CALN1: variants seen among roughly 807,000 people sequenced by gnomAD.
CALN1 encodes the protein calneuron 1.
In CALN1, 17 loss-of-function variants were observed where a neutral mutation model predicts 30.6. That is an observed-to-expected ratio of 0.56 (90% confidence interval 0.38 to 0.83). The LOEUF (loss-of-function observed/expected upper bound fraction) is 0.83, where lower values mean the gene tolerates loss of function less well. CALN1 is among the 40% of genes least tolerant of loss of function. The probability of loss-of-function intolerance (pLI) is 0.00; values close to 1 mark genes in which losing one functional copy is unlikely to be tolerated. For synonymous variants in CALN1, 156 were observed against 131.4 expected (o/e 1.19, Z -1.28); for missense variants, 291 against 354.9 (o/e 0.82, Z 1.45).
At chr7:72,189,579 T>C (rs1272934598) in intron 3 of CALN1, among the ~76,000 whole-genome samples, 3 of 151,934 alleles carry the variant, frequency 2.0e-5, no homozygotes, top group African/African-American at 7.3e-5. Context: ...TCAAGACCAG[T>C]CTGGCCATTG....
At chr7:71,887,717 A>G (rs1278649884) in intron 5 of CALN1, among the ~76,000 whole-genome samples, 1 of 152,178 alleles carries the variant, frequency 6.6e-6, no homozygotes, top group East Asian at 1.9e-4. Context: ...GAATTGAGGC[A>G]GCCACAGTGC....
intron 5 of CALN1, among the ~76,000 whole-genome samples, chr7:71,848,349 A>C (rs1247215390): frequency 2.0e-5 from 3 of 152,190 alleles, no homozygotes; most frequent in Non-Finnish European, 4.4e-5. Flanking sequence ...CCTTCTGTTC[A>C]AGAGCCAAGT....
At chr7:72,189,726 C>G (rs1463665822) in intron 3 of CALN1, among the ~76,000 whole-genome samples, 1 of 149,786 alleles carries the variant, frequency 6.7e-6, no homozygotes, top group Non-Finnish European at 1.5e-5. Context: ...CAAGATCCTG[C>G]CACTGCACTC....
chr7:72,001,728 GC>G (rs147125176), intron 5 of CALN1, among the ~76,000 whole-genome samples: 1,998 of 152,240 alleles, frequency 0.013, 46 homozygotes, highest in African/African-American at 0.043. Flanking sequence ...TCTGCCTTAT[GC>G]CCCTTGGTTG....
chr7:72,067,807 T>C (rs551991369), intron 4 of CALN1, among the ~76,000 whole-genome samples: 9 of 152,170 alleles, frequency 5.9e-5, no homozygotes, highest in Admixed American at 5.2e-4. Flanking sequence ...AGGGCTGACC[T>C]CAGACCACCT....
intron 3 of CALN1, among the ~76,000 whole-genome samples, chr7:72,166,282 G>C (rs561918814): frequency 7.2e-5 from 11 of 152,266 alleles, no homozygotes; most frequent in African/African-American, 2.6e-4. Flanking sequence ...GCTCACTGCA[G>C]CCTCTAACTC....
chr7:71,797,189 C>A (rs775263986), intron 6 of CALN1, among the ~76,000 whole-genome samples: 18 of 152,138 alleles, frequency 1.2e-4, no homozygotes, highest in Non-Finnish European at 2.4e-4. Flanking sequence ...CAAATCAGAG[C>A]CACGAAAATT....
intron 3 of CALN1, among the ~76,000 whole-genome samples, chr7:72,224,156 A>G (rs942311196): frequency 6.6e-6 from 1 of 152,198 alleles, no homozygotes; most frequent in African/African-American, 2.4e-5. Context: ...ACAAACTGGC[A>G]TATGTACCCC....
chr7:71,842,681 T>C (rs892873560), intron 5 of CALN1, among the ~76,000 whole-genome samples: 2 of 152,212 alleles, frequency 1.3e-5, no homozygotes, highest in African/African-American at 4.8e-5. Flanking sequence ...TTTGATAACA[T>C]GCTAATACAC....
chr7:72,467,503 C>T, the CALN1 span, among the ~76,000 whole-genome samples: 64 of 152,296 alleles, frequency 4.2e-4, no homozygotes, highest in African/African-American at 1.4e-3. Context: ...ACCTCCAAGA[C>T]AGCTGGCTGG....
At chr7:72,424,569 T>C (rs958050254) in intron 1 of CALN1, among the ~76,000 whole-genome samples, 1 of 152,142 alleles carries the variant, frequency 6.6e-6, no homozygotes, top group African/African-American at 2.4e-5. Flanking sequence ...TTTATTTCCA[T>C]CCTTTTAATT....
chr7:72,093,559 A>G (rs2129539998), intron 4 of CALN1, among the ~76,000 whole-genome samples: 1 of 152,304 alleles, frequency 6.6e-6, no homozygotes, highest in Non-Finnish European at 1.5e-5. Flanking sequence ...TTGGGATACA[A>G]TAATTATTTA....
intron 5 of CALN1, among the ~76,000 whole-genome samples, chr7:71,829,299 C>T (rs1789121310): frequency 6.6e-6 from 1 of 152,102 alleles, no homozygotes; most frequent in African/African-American, 2.4e-5. Flanking sequence ...GAAGATGGGG[C>T]AAGCGGCCAC....
intron 5 of CALN1, among the ~76,000 whole-genome samples, chr7:71,954,002 A>C (rs1459959541): frequency 6.6e-6 from 1 of 152,202 alleles, no homozygotes; most frequent in Non-Finnish European, 1.5e-5. Flanking sequence ...TACTGGAACA[A>C]CTGCAATGAA....
At chr7:72,064,267 G>T (rs1024503670) in intron 4 of CALN1, among the ~76,000 whole-genome samples, 5 of 144,934 alleles carry the variant, frequency 3.4e-5, no homozygotes, top group Non-Finnish European at 6.0e-5. Flanking sequence ...GGGTGACAGA[G>T]TGAGACTCCA....
In CALN1 at chr7:72,359,909, G is replaced by A. The variant is rs113001800; in HGVS notation, c.119+43342C>T. Among the ~76,000 whole-genome samples the A allele has an allele frequency of 1.1e-3, 155 of 138,436 alleles. 1 individual carries two copies. The highest frequency in any genetic ancestry group is 2.9e-3 in the Admixed American group (37 of 12,858). The allele number at this position is 138,436 out of a possible 152,430, so 90.8% of individuals were successfully genotyped here. ...GGAGAACGGCATGAACCCAGGAGGC[G>A]GAGCTTGCAGTGAGCCAAAATCACG... On this transcript the variant is annotated intron_variant, in intron 2 of 6. Transcript: ENST00000395275.
chr7:71,807,781 A>C (rs868851574), intron 6 of CALN1, among the ~76,000 whole-genome samples: 3 of 151,962 alleles, frequency 2.0e-5, no homozygotes, highest in African/African-American at 7.3e-5. Flanking sequence ...CTCTACTAAA[A>C]ATACAAAAAT....
chr7:72,396,873 C>T (rs1325028005), intron 2 of CALN1, among the ~76,000 whole-genome samples: 3 of 152,098 alleles, frequency 2.0e-5, no homozygotes. Flanking sequence ...CTATCTGTGT[C>T]CCATATCCTT....
intron 3 of CALN1, among the ~76,000 whole-genome samples, chr7:72,264,729 T>C (rs902419145): frequency 1.3e-5 from 2 of 152,168 alleles, no homozygotes; most frequent in African/African-American, 2.4e-5. Context: ...ATTTGTTCCA[T>C]AGGTAAACTT....
Sources: allele counts gnomAD v4.1 joint callset (sites outside exome capture counted in the v4.1 genomes callset), GRCh38; gene constraint gnomAD v4.1.1; transcripts MANE v1.5; gene names NCBI Gene and HGNC (gene_info 2026-07-23, HGNC 2026-07-21).